GOLGA4: variants seen among roughly 807,000 people sequenced by gnomAD.
The protein encoded by GOLGA4 is golgin A4.
In GOLGA4, 169 loss-of-function variants were observed where a neutral mutation model predicts 265.9. The ratio of observed to expected loss-of-function variants is 0.64; its 90% confidence interval spans 0.56 to 0.72. The LOEUF is 0.72. Among genes scored for constraint, GOLGA4 ranks in the 30% least tolerant of loss-of-function variants. GOLGA4 has a pLI of 0.00. For synonymous variants in GOLGA4, 923 were observed against 855.8 expected (o/e 1.08, Z -1.37); for missense variants, 2,482 against 2,483.4 (o/e 1.00, Z 0.01).
chr3:37,251,656 A>G (rs1206212916), intron 2 of GOLGA4, among the ~76,000 whole-genome samples, 172 bp downstream of exon 2: 1 of 140,890 alleles, frequency 7.1e-6, no homozygotes, highest in African/African-American at 2.7e-5. Context: ...AATAGCAGTT[A>G]TGATTTATGT....
intron 11 of GOLGA4, 71 bp downstream of exon 11, chr3:37,315,669 T>A: frequency 1.6e-6 from 2 of 1,235,820 alleles, no homozygotes; most frequent in Non-Finnish European, 2.3e-6. Context: ...CTTACACTCT[T>A]TGACTGTAAA....
At chr3:37,328,687 C>T in intron 15 of GOLGA4, 150 bp downstream of exon 15, 1 of 807,366 alleles carries the variant, frequency 1.2e-6, no homozygotes, top group Non-Finnish European at 1.9e-6. Context: ...TGGGAACCTG[C>T]CCTGCTTGGC....
chr3:37,268,077 T>A (rs1034747791), intron 2 of GOLGA4, among the ~76,000 whole-genome samples: 1 of 140,604 alleles, frequency 7.1e-6, no homozygotes, highest in Admixed American at 7.0e-5. Context: ...TTTACTGTTT[T>A]TATTTATTTA....
At chr3:37,333,187 T>C (rs1225991483) in intron 16 of GOLGA4, among the ~76,000 whole-genome samples, 2 of 152,208 alleles carry the variant, frequency 1.3e-5, no homozygotes, top group Non-Finnish European at 2.9e-5. Context: ...AATCCCAATC[T>C]CAGAGCAGTC....
chr3:37,263,796 T>A (rs143920306), intron 2 of GOLGA4, among the ~76,000 whole-genome samples: 3 of 152,220 alleles, frequency 2.0e-5, no homozygotes, highest in Admixed American at 6.5e-5. Context: ...CAGACACATA[T>A]AACTTCAGTG....
intron 23 of GOLGA4, among the ~76,000 whole-genome samples, chr3:37,361,731 T>C (rs1053787001): frequency 3.3e-5 from 5 of 152,248 alleles, no homozygotes; most frequent in Admixed American, 6.5e-5. Context: ...CTGTAAAGCC[T>C]GAGTCAAGGC....
In GOLGA4 at chr3:37,327,083, A is replaced by G. The variant is rs2150971399; in HGVS notation, c.5197A>G (p.Thr1733Ala). 1.2e-6 allele frequency: 2 copies of G among 1,613,760 alleles called. No homozygotes were observed. The highest frequency in any genetic ancestry group is 1.7e-6 in the Non-Finnish European group (2 of 1,179,786). ...AGATTCCCAAGGCTGTGTGCAGAAG[A>G]CATATGAAGAAAAAATCAGTGTTTT... ...EADSQGCVQK[T>A]YEEKISVLQR... is the part of the protein sequence containing the mutation. Residue 1733 changes from threonine (T) to alanine (A), a missense_variant, in exon 14 of 24, where the codon ACA (threonine) becomes GCA (alanine). Thr to Ala is a moderately conservative substitution (Grantham distance 58). Around this residue, in one of 3 missense-constraint regions of GOLGA4, gnomAD observed 942 missense variants for 983.1 expected, o/e 0.96. Coordinates refer to ENST00000361924, the MANE Select transcript of GOLGA4 (RefSeq NM_002078.5).
chr3:37,312,182 G>A (rs1250335764), intron 10 of GOLGA4, among the ~76,000 whole-genome samples: 2 of 152,124 alleles, frequency 1.3e-5, no homozygotes, highest in African/African-American at 2.4e-5. Flanking sequence ...ATAATGAAAA[G>A]GGGCTGATGA....
chr3:37,267,557 T>C (rs9828838), intron 2 of GOLGA4, among the ~76,000 whole-genome samples: 12 of 152,240 alleles, frequency 7.9e-5, no homozygotes, highest in Non-Finnish European at 1.3e-4. Context: ...CTATTGAAAG[T>C]ATCTGGTAAG....
intron 2 of GOLGA4, among the ~76,000 whole-genome samples, chr3:37,270,822 A>G (rs1394665351): frequency 1.3e-5 from 2 of 152,090 alleles, no homozygotes; most frequent in Non-Finnish European, 2.9e-5. Flanking sequence ...ATTCGAGCGC[A>G]TTACATTTAC....
At chr3:37,245,347 T>TA (rs1440948271) in intron 1 of GOLGA4, 1 of 152,538 alleles carries the variant, frequency 6.6e-6, no homozygotes, top group African/African-American at 2.4e-5. Flanking sequence ...TGCCTAATGT[T>TA]ACGCAGCTAG....
chr3:37,323,666 C>T lies in GOLGA4; in HGVS notation c.1780C>T (p.Leu594=). ...TCAGTCAAAAGATTTGGCTGTTCAT[C>T]TGGAAGCTGAAAAAAATAAGCACAA... ...KNQSKDLAVH[L]EAEKNKHNKE... is the part of the protein sequence containing the mutation. The change falls in exon 14 of 24, where the codon CTG becomes TTG. Residue 594 remains leucine (L), a synonymous_variant. Transcript: ENST00000361924. The T allele has an allele frequency of 6.3e-7, 1 of 1,599,564 alleles. No homozygotes were observed. The highest frequency in any genetic ancestry group is 8.5e-7 in the Non-Finnish European group (1 of 1,176,060).
intron 11 of GOLGA4, among the ~76,000 whole-genome samples, chr3:37,317,611 A>G (rs920443660): frequency 3.9e-5 from 6 of 152,214 alleles, no homozygotes; most frequent in Non-Finnish European, 8.8e-5. Context: ...GACAATTTAT[A>G]CCCTGACAAG....
chr3:37,282,448 TA>T (rs1196168919), intron 3 of GOLGA4, among the ~76,000 whole-genome samples, 176 bp downstream of exon 3: 16 of 152,220 alleles, frequency 1.1e-4, no homozygotes, highest in Non-Finnish European at 2.1e-4. Flanking sequence ...AATATCTAGT[TA>T]AGTAAAGACA....
intron 2 of GOLGA4, among the ~76,000 whole-genome samples, chr3:37,272,115 G>A (rs2096800356): frequency 6.6e-6 from 1 of 152,078 alleles, no homozygotes. Context: ...ATATATTACA[G>A]TGTAATAATA....
Position 37,355,126 on chromosome 3 carries a change from T to C in GOLGA4, c.6602T>C (p.Val2201Ala), listed in dbSNP as rs1244234464. Residue 2201 changes from valine (V) to alanine (A), a missense_variant, in exon 22 of 24, where the codon GTA (valine) becomes GCA (alanine). Val to Ala is a moderately conservative substitution (Grantham distance 64). Transcript: ENST00000361924. ...ACCATGGCAAAAGTTATAACCACCG[T>C]ACTGAAGTTCCCTGATGATCAGACT... is the stretch of plus-strand genomic sequence containing the variant. ...TKTMAKVITT[V>A]LKFPDDQTQK... The C allele has an allele frequency of 1.9e-6, 3 of 1,606,226 alleles. No individual in the cohort carries two copies. Among genetic ancestry groups the C allele is most frequent in the Admixed American group, 3.3e-5 (2 of 59,910 alleles).
chr3:37,254,363 G>A (rs778850151), intron 2 of GOLGA4, among the ~76,000 whole-genome samples: 2 of 152,068 alleles, frequency 1.3e-5, no homozygotes, highest in African/African-American at 4.8e-5. Context: ...AGGATATAGT[G>A]TATATGACAT....
At chr3:37,258,538 C>T (rs373470398) in intron 2 of GOLGA4, among the ~76,000 whole-genome samples, 14 of 152,180 alleles carry the variant, frequency 9.2e-5, no homozygotes, top group African/African-American at 1.4e-4. Flanking sequence ...ATGTTGGCCA[C>T]GCTGGCCTGG....
chr3:37,279,324 A>G (rs999512035), intron 2 of GOLGA4, among the ~76,000 whole-genome samples: 42 of 152,184 alleles, frequency 2.8e-4, no homozygotes, highest in Admixed American at 1.5e-3. Context: ...CCTCGTGATG[A>G]GTTGGAGTCA....
Sources: gnomAD v4.1 joint callset for allele counts (sites outside exome capture counted in the v4.1 genomes callset) on GRCh38, gnomAD v4.1.1 for gene constraint, gnomAD v4.1.1 regional missense constraint, MANE v1.5 for transcripts, NCBI Gene and HGNC (gene_info 2026-07-23, HGNC 2026-07-21) for gene names.